Variants in FBXL2 observed in about 807,000 individuals in gnomAD.
FBXL2 encodes F-box and leucine rich repeat protein 2.
In FBXL2, 38 loss-of-function variants were observed where a neutral mutation model predicts 69.2. The ratio of observed to expected loss-of-function variants is 0.55; its 90% CI spans 0.42 to 0.72. The LOEUF (loss-of-function observed/expected upper bound fraction) is 0.72, where lower values mean the gene tolerates loss of function less well. FBXL2 is among the 30% of genes least tolerant of loss of function. The pLI is 0.00. For missense variants in FBXL2, 354 were observed against 520.3 expected, an observed-to-expected ratio of 0.68 and a Z score of 3.11; for synonymous variants, 192 against 201.3, an observed-to-expected ratio of 0.95 and a Z score of 0.39.
At chr3:33,351,308 A>G (rs1465029874) in intron 2 of FBXL2, among the ~76,000 whole-genome samples, 1 of 152,190 alleles carries the variant, frequency 6.6e-6, no homozygotes, top group South Asian at 2.1e-4. Flanking sequence ...CTAATTAGCA[A>G]TTATAGTAAG....
At chr3:33,313,713 C>A (rs1249593679) in intron 2 of FBXL2, among the ~76,000 whole-genome samples, 5 of 151,734 alleles carry the variant, frequency 3.3e-5, no homozygotes, top group Non-Finnish European at 7.4e-5. Flanking sequence ...TCCTGAACTA[C>A]TGGGGTTATA....
At chr3:33,300,220 T>G (rs1219440233) in intron 2 of FBXL2, among the ~76,000 whole-genome samples, 1 of 152,210 alleles carries the variant, frequency 6.6e-6, no homozygotes, top group African/African-American at 2.4e-5. Context: ...TGGGGTTTGC[T>G]TTTGTACTCC....
At chr3:33,399,933 C>A (rs561441476) in intron 12 of FBXL2, among the ~76,000 whole-genome samples, 2 of 152,194 alleles carry the variant, frequency 1.3e-5, no homozygotes, top group Admixed American at 1.3e-4. Flanking sequence ...ACTATATACA[C>A]CTACACACAA....
intron 1 of FBXL2, among the ~76,000 whole-genome samples, chr3:33,297,082 A>G (rs554904333): frequency 6.6e-6 from 1 of 152,308 alleles, no homozygotes; most frequent in South Asian, 2.1e-4. Flanking sequence ...AATGTATTGT[A>G]TAAGTTTTCA....
At chr3:33,322,064 ATTTTTTTTT>A (rs34703817) in intron 2 of FBXL2, among the ~76,000 whole-genome samples, 6 of 62,444 alleles carry the variant, frequency 9.6e-5, no homozygotes, top group Non-Finnish European at 1.4e-4. Context: ...TGACTAGGTG[ATTTTTTTTT>A]TTTTTTTTTT....
chr3:33,321,908 CTG>C (rs1211230642), intron 2 of FBXL2, among the ~76,000 whole-genome samples: 1 of 152,124 alleles, frequency 6.6e-6, no homozygotes, highest in Non-Finnish European at 1.5e-5. Flanking sequence ...CAGTGCATGA[CTG>C]TACATTGCTG....
intron 13 of FBXL2, among the ~76,000 whole-genome samples, chr3:33,381,576 A>T (rs2043066081): frequency 6.6e-6 from 1 of 151,974 alleles, no homozygotes; most frequent in South Asian, 2.1e-4. Flanking sequence ...TTGAGCCGAG[A>T]TTGCGCCATT....
rs1401008344 is a variant in FBXL2, at chr3:33,373,605, G to C, written c.483G>C (p.Leu161=). 1 of 1,614,176 alleles carries C rather than the reference G, an allele frequency of 6.2e-7. No individual in the cohort carries two copies. The part of the protein sequence containing the change: ...ISEGCRNLEY[L]NLSWCDQITK... ...AGGGCTGCCGAAACCTGGAGTACCT[G>C]AACCTCTCTTGGTGTGATCAGATCA... The change falls in exon 8 of 15, where the codon CTG becomes CTC. Residue 161 remains leucine (L), a synonymous_variant. Transcript: ENST00000484457.
At chr3:33,297,629 C>G (rs1049598303) in intron 1 of FBXL2, 35 bp from the exon 2 acceptor site, 1 of 1,337,130 alleles carries the variant, frequency 7.5e-7, no homozygotes, top group South Asian at 1.3e-5. Context: ...GATTAAAGAA[C>G]ATTTTCACAA....
At chr3:33,422,104 T>A in the FBXL2 span, among the ~76,000 whole-genome samples, 3 of 152,184 alleles carry the variant, frequency 2.0e-5, no homozygotes, top group African/African-American at 7.2e-5. Flanking sequence ...GAGCTGAAGA[T>A]ACTTTGCTAG....
intron 1 of FBXL2, 98 bp downstream of exon 1, chr3:33,277,613 G>A: frequency 8.4e-7 from 1 of 1,188,576 alleles, no homozygotes. Flanking sequence ...GGCGGCGCAG[G>A]GGTCGTGGAG....
chr3:33,312,583 G>A (rs2037309827), intron 2 of FBXL2, among the ~76,000 whole-genome samples: 1 of 152,110 alleles, frequency 6.6e-6, no homozygotes, highest in Non-Finnish European at 1.5e-5. Context: ...GGAGATTCTG[G>A]GAAGGCTATC....
Position 33,387,303 on chromosome 3 carries a change from A to T in FBXL2, c.*1695A>T, listed in dbSNP as rs1247276720. The T allele has an allele frequency of 6.6e-6, 1 of 151,944 alleles. No individual in the cohort carries two copies. The highest frequency in any genetic ancestry group is 1.5e-5 in the Non-Finnish European group (1 of 67,956). 9.4% of individuals were successfully genotyped at this position (151,944 alleles called of 1,614,324 possible). ...ATTATGAATTAGTTTAGTTTCTATT[A>T]AAAAAAATTAACTTAAGGCTGGCCA... On this transcript the variant is annotated 3_prime_UTR_variant, in exon 15 of 15. Transcript: ENST00000484457.
chr3:33,317,596 C>T (rs1342717931), intron 2 of FBXL2: 1 of 447,302 alleles, frequency 2.2e-6, no homozygotes, highest in Non-Finnish European at 4.5e-6. Context: ...TGAAGCCCGC[C>T]TTATCCTAGC....
chr3:33,340,328 G>A (rs2125853068), intron 2 of FBXL2, among the ~76,000 whole-genome samples: 1 of 152,160 alleles, frequency 6.6e-6, no homozygotes, highest in Admixed American at 6.6e-5. Context: ...TACTGAACAT[G>A]CAATAATGAC....
At chr3:33,364,559 A>T in intron 4 of FBXL2, 66 bp from the exon 5 acceptor site, 1 of 1,331,774 alleles carries the variant, frequency 7.5e-7, no homozygotes, top group East Asian at 2.3e-5. Flanking sequence ...ATTTCAGGTT[A>T]TTTTGCTGTT....
chr3:33,377,495 A>G (rs1404562980), intron 11 of FBXL2, among the ~76,000 whole-genome samples, 162 bp downstream of exon 11: 3 of 152,194 alleles, frequency 2.0e-5, no homozygotes, highest in Non-Finnish European at 4.4e-5. Flanking sequence ...CCAGTTAGCC[A>G]GAAATCTAGG....
At chr3:33,396,237 G>T in intron 12 of FBXL2, 1 of 1,591,474 alleles carries the variant, frequency 6.3e-7, no homozygotes, top group Non-Finnish European at 8.6e-7. Flanking sequence ...GTGCTGCTTG[G>T]CTGCTCCCGG....
At chr3:33,403,152 T>A (rs1575463563) in intron 12 of FBXL2, 1 of 400,508 alleles carries the variant, frequency 2.5e-6, no homozygotes, top group East Asian at 6.2e-5. Context: ...CAAAAATTTA[T>A]AAAGGCATTT....
Sources: allele counts gnomAD v4.1 joint callset (sites outside exome capture counted in the v4.1 genomes callset), GRCh38; gene constraint gnomAD v4.1.1; transcripts MANE v1.5; gene names NCBI Gene and HGNC (gene_info 2026-07-23, HGNC 2026-07-21).